Variants in CACNG7 observed in about 807,000 individuals in gnomAD.
The protein encoded by CACNG7 is voltage-dependent calcium channel gamma-7 subunit.
Under a neutral mutation model 26.3 loss-of-function variants are expected in CACNG7, and 9 were observed. The observed-to-expected ratio is 0.34, with a 90% CI of 0.21 to 0.60. The LOEUF is 0.60. Ranked by LOEUF, CACNG7 falls within the 20% of genes least tolerant of loss-of-function variation. The probability of loss-of-function intolerance (pLI) is 0.81; values close to 1 mark genes in which losing one functional copy is unlikely to be tolerated. For synonymous variants in CACNG7, 170 were observed against 157.0 expected (o/e 1.08, Z -0.62); for missense variants, 297 against 380.4 (o/e 0.78, Z 1.82).
At chr19:53,919,590 G>A (rs1456692399) in intron 4 of CACNG7, among the ~76,000 whole-genome samples, 8 of 135,918 alleles carry the variant, frequency 5.9e-5, no homozygotes, top group Admixed American at 5.8e-4. Context: ...CTTGCCCCAG[G>A]CTGGTCATTG....
rs1319611669 is a variant in CACNG7 at position 53,927,543 on chromosome 19, A to G, written c.424+12038A>G. Among the ~76,000 whole-genome samples the G allele has an allele frequency of 3.3e-5, 5 of 152,294 alleles. No individual in the cohort carries two copies. In the South Asian group the frequency reaches 8.3e-4, roughly 25 times the overall value. On this transcript the variant is annotated intron_variant, in intron 4 of 5. Transcript: ENST00000391767. ...CACAGCATGCGATAAGGTCCTAGAA[A>G]GGAGCTAGGACAGGCCAGCCATGGT...
At chr19:53,926,432 C>T (rs1353145050) in intron 4 of CACNG7, among the ~76,000 whole-genome samples, 1 of 152,112 alleles carries the variant, frequency 6.6e-6, no homozygotes, top group Non-Finnish European at 1.5e-5. Context: ...TCCAACTCCA[C>T]CCGACCCTAA....
chr19:53,924,278 C>G (rs148480984), intron 4 of CACNG7, among the ~76,000 whole-genome samples: 1,339 of 99,024 alleles, frequency 0.014, 71 homozygotes, highest in African/African-American at 0.058. Context: ...CATTGGTGGA[C>G]TTTCCCCAGG....
chr19:53,912,503 C>A lies in CACNG7; in HGVS notation c.-29-300C>A, dbSNP rs556749115. On this transcript the variant is annotated intron_variant, in intron 1 of 5. Transcript: ENST00000391767. The surrounding 1 kb of genome is among the most constrained non-coding windows in gnomAD (Gnocchi z 4.6). Reference sequence around the variant, plus strand: ...AACACGGTTGGAGCCAAGATTCAATCTCTGGGCCTGGGCTGAAAGTTGTGA... The same window carrying A: ...AACACGGTTGGAGCCAAGATTCAATATCTGGGCCTGGGCTGAAAGTTGTGA... Among the ~76,000 whole-genome samples, 3 of 152,294 alleles carry A rather than the reference C, an allele frequency of 2.0e-5. No homozygotes were observed. Among genetic ancestry groups the A allele is most frequent in the Admixed American group, 6.5e-5 (1 of 15,290 alleles).
chr19:53,927,397 G>A (rs1468963711), intron 4 of CACNG7, among the ~76,000 whole-genome samples: 1 of 152,188 alleles, frequency 6.6e-6, no homozygotes, highest in African/African-American at 2.4e-5. Flanking sequence ...GGGTGCTCTG[G>A]AGAGGGTGAG....
In CACNG7 at chr19:53,912,648, G is replaced by T; in HGVS notation, c.-29-155G>T. 3.3e-6 allele frequency: 2 copies of T among 604,386 alleles called. No individual in the cohort carries two copies. Among genetic ancestry groups the T allele is most frequent in the Non-Finnish European group, 5.8e-6 (2 of 343,002 alleles). The allele number at this position is 604,386 out of a possible 1,614,324, so 37.4% of individuals were successfully genotyped here. On this transcript the variant is annotated intron_variant, in intron 1 of 5. Transcript: ENST00000391767. This position sits in a 1 kb window ranked among gnomAD's most constrained non-coding sequence, Gnocchi z 4.6. ...GTTGGTGTCTCTGGTCAGACTCTAGGGTTGGGGTCATGGGTCAGGCCACGG... is the reference window on the plus strand; with the variant it reads ...GTTGGTGTCTCTGGTCAGACTCTAGTGTTGGGGTCATGGGTCAGGCCACGG...
intron 4 of CACNG7, among the ~76,000 whole-genome samples, chr19:53,929,575 G>A (rs1434365681): frequency 2.0e-5 from 3 of 152,078 alleles, no homozygotes; most frequent in African/African-American, 7.2e-5. Context: ...TCCTGTCTCA[G>A]CCTCCCGAGT....
At chr19:53,938,947 T>TCAAAA (rs3071103) in intron 4 of CACNG7, among the ~76,000 whole-genome samples, 16 of 149,230 alleles carry the variant, frequency 1.1e-4, no homozygotes, top group Non-Finnish European at 7.4e-5. Flanking sequence ...GACCCTGTCT[T>TCAAAA]CAAAACAAAA....
At chr19:53,920,664 T>G (rs2068938287) in intron 4 of CACNG7, among the ~76,000 whole-genome samples, 1 of 102,508 alleles carries the variant, frequency 9.8e-6, no homozygotes, top group Admixed American at 9.0e-5. Flanking sequence ...TGGTCATTGG[T>G]GGAGTTGCCC....
chr19:53,911,802 G>T (rs947935823), intron 1 of CACNG7, among the ~76,000 whole-genome samples: 2 of 152,172 alleles, frequency 1.3e-5, no homozygotes, highest in East Asian at 1.9e-4. Flanking sequence ...TTAAATTGGG[G>T]TATCAAATGA....
chr19:53,921,054 G>C (rs1421561828), intron 4 of CACNG7, among the ~76,000 whole-genome samples: 1 of 86,492 alleles, frequency 1.2e-5, no homozygotes, highest in Admixed American at 1.0e-4. Context: ...CCCCAGGCCT[G>C]GTCATTGGTG....
intron 4 of CACNG7, among the ~76,000 whole-genome samples, chr19:53,938,195 A>G (rs1488118475): frequency 6.6e-6 from 1 of 152,030 alleles, no homozygotes. Flanking sequence ...AAAAAATGCA[A>G]AAGTTAGCCC....
At chr19:53,925,783 G>A (rs1330518506) in intron 4 of CACNG7, among the ~76,000 whole-genome samples, 1 of 152,234 alleles carries the variant, frequency 6.6e-6, no homozygotes, top group East Asian at 1.9e-4. Flanking sequence ...CTTGTGTAGT[G>A]GCCCAGGCCG....
rs574145246 is a variant in CACNG7, at chr19:53,924,529, C to T, written c.424+9024C>T. The stretch of plus-strand genomic sequence containing the variant: ...AGGCCTGGTTATTGGTGGAGTTGCC[C>T]CAGGTCTGGTATTGGTGGAGTTGTC... On this transcript the variant is annotated intron_variant, in intron 4 of 5. Transcript: ENST00000391767. 1.4e-4 allele frequency among the ~76,000 whole-genome samples: 20 copies of T among 147,052 alleles called. 1 individual carries two copies. The South Asian group carries it at 4.1e-3, about 30-fold the overall frequency.
At chr19:53,924,761 C>A (rs968471485) in intron 4 of CACNG7, among the ~76,000 whole-genome samples, 1 of 144,766 alleles carries the variant, frequency 6.9e-6, no homozygotes, top group African/African-American at 2.6e-5. Context: ...GGTGGACTTG[C>A]CTAGGGCTGG....
intron 4 of CACNG7, among the ~76,000 whole-genome samples, chr19:53,937,234 G>A (rs1025441065): frequency 6.6e-6 from 1 of 152,268 alleles, no homozygotes. Flanking sequence ...AAATCAGCCT[G>A]TGCATGTGTG....
rs769733564 is a variant in CACNG7, at chr19:53,942,038, G to A, written c.573G>A (p.Gly191=). 14 of 1,586,620 alleles carry A rather than the reference G, an allele frequency of 8.8e-6. No homozygotes were observed. The highest frequency in any genetic ancestry group is 6.8e-5 in the Admixed American group (4 of 58,652). The change falls in exon 6 of 6, where the codon GGG becomes GGA. Residue 191 remains glycine (G), a splice_region_variant and synonymous_variant. Coordinates refer to ENST00000391767, the MANE Select transcript of CACNG7 (RefSeq NM_031896.5). The surrounding 1 kb of genome is among the most constrained non-coding windows in gnomAD (Gnocchi z 5.9). ...FAASSFLLKE[G]AGVMSVYLFT... ...ACTCTGACCTTGCCTTGCCGCAGGG[G>A]GCCGGCGTGATGTCCGTGTACCTGT...
chr19:53,921,486 C>CTGGAGTTGTCCCCAGGTCTGGT (rs2068951491), intron 4 of CACNG7, among the ~76,000 whole-genome samples: 1 of 140,522 alleles, frequency 7.1e-6, no homozygotes, highest in African/African-American at 2.8e-5. Context: ...CAGGCCTGGT[C>CTGGAGTTGTCCCCAGGTCTGGT]ATTGGTGGAG....
chr19:53,924,132 T>C (rs34630751), intron 4 of CACNG7, among the ~76,000 whole-genome samples: 50,639 of 117,978 alleles, frequency 0.43, 12,453 homozygotes, highest in African/African-American at 0.64. Context: ...CAGGTCTGGT[T>C]ATTGGTGGAC....
Sources: allele counts gnomAD v4.1 joint callset (sites outside exome capture counted in the v4.1 genomes callset), GRCh38; gene constraint gnomAD v4.1.1; non-coding constraint Gnocchi (gnomAD v3.1); transcripts MANE v1.5; gene names NCBI Gene and HGNC (gene_info 2026-07-23, HGNC 2026-07-21).